The following MGAT5 variants were observed in gnomAD, a reference collection of about 807,000 sequenced individuals.
MGAT5 encodes the protein alpha-1,6-mannosylglycoprotein 6-beta-N-acetylglucosaminyltransferase A.
Under a neutral mutation model 94.3 loss-of-function variants are expected in MGAT5, and 30 were observed. The ratio of observed to expected loss-of-function variants is 0.32; its 90% CI spans 0.24 to 0.43. The LOEUF is 0.43. Among genes scored for constraint, MGAT5 ranks in the 20% least tolerant of loss-of-function variants. The probability of loss-of-function intolerance (pLI) is 1.00; values close to 1 mark genes in which losing one functional copy is unlikely to be tolerated. For missense variants in MGAT5, 691 were observed against 905.5 expected, an observed-to-expected ratio of 0.76 and a Z score of 3.04; for synonymous variants, 310 against 322.9, an observed-to-expected ratio of 0.96 and a Z score of 0.43.
chr2:134,422,691 G>A, intron 12 of MGAT5, 112 bp from the exon 13 acceptor site: 1 of 746,850 alleles, frequency 1.3e-6, no homozygotes, highest in South Asian at 1.6e-5. Context: ...AGGACACAGT[G>A]TCTTGTTACC....
upstream of MGAT5, among the ~76,000 whole-genome samples, chr2:134,250,167 A>G (rs1682510306): frequency 6.6e-6 from 1 of 152,196 alleles, no homozygotes; most frequent in Non-Finnish European, 1.5e-5. Flanking sequence ...TCTTTTAGAA[A>G]GTAGGAGGAT....
chr2:134,214,755 G>A (rs1680381405), intron 1 of MGAT5, among the ~76,000 whole-genome samples: 1 of 152,144 alleles, frequency 6.6e-6, no homozygotes, highest in African/African-American at 2.4e-5. Context: ...CAACCTAACA[G>A]CCAACGAACA....
At chr2:134,157,718 G>A (rs947300566) in intron 1 of MGAT5, among the ~76,000 whole-genome samples, 2 of 152,000 alleles carry the variant, frequency 1.3e-5, no homozygotes, top group African/African-American at 4.8e-5. Flanking sequence ...GGAGCCCTGA[G>A]CTTGTTTTCC....
chr2:134,387,845 C>T (rs10469581), intron 10 of MGAT5, among the ~76,000 whole-genome samples: 80,852 of 152,044 alleles, frequency 0.53, 22,598 homozygotes, highest in Non-Finnish European at 0.62. Context: ...GCTCCAAAGT[C>T]CAGTGATGGG....
At chr2:134,227,686 A>G (rs935911838) in intron 1 of MGAT5, among the ~76,000 whole-genome samples, 15 of 152,146 alleles carry the variant, frequency 9.9e-5, no homozygotes, top group Non-Finnish European at 2.1e-4. Flanking sequence ...TCAAGAAGGG[A>G]AGGCTCTTGG....
chr2:134,204,887 C>T (rs530632735), intron 1 of MGAT5, among the ~76,000 whole-genome samples: 1 of 152,182 alleles, frequency 6.6e-6, no homozygotes, highest in South Asian at 2.1e-4. Flanking sequence ...TCTGAAAAGA[C>T]AAAGACAGGC....
At chr2:134,124,806 A>G (rs1409413391) in intron 1 of MGAT5, among the ~76,000 whole-genome samples, 1 of 152,232 alleles carries the variant, frequency 6.6e-6, no homozygotes, top group Non-Finnish European at 1.5e-5. Flanking sequence ...CCCTAGAATA[A>G]TAACAGCCTC....
In MGAT5 at chr2:134,281,002, T is replaced by C. The variant is rs563194049; in HGVS notation, c.406+10452T>C. ...TGTGAAAGGGCTGTCCAGAAGCTAC[T>C]TGGCAGTCACAGCCTGGACCTGGTC... On this transcript the variant is annotated intron_variant, in intron 2 of 15. Transcript: ENST00000281923. Among the ~76,000 whole-genome samples the C allele has an allele frequency of 6.6e-5, 10 of 152,358 alleles. No individual in the cohort carries two copies. The South Asian group carries it at 2.1e-3, about 32-fold the overall frequency.
At chr2:134,432,677 G>A (rs1684949543) in intron 14 of MGAT5, among the ~76,000 whole-genome samples, 1 of 152,226 alleles carries the variant, frequency 6.6e-6, no homozygotes, top group South Asian at 2.1e-4. Flanking sequence ...TGACTGCCTG[G>A]GTTCACATCT....
chr2:134,337,892 G>A (rs1029120549), intron 5 of MGAT5, among the ~76,000 whole-genome samples: 1 of 152,182 alleles, frequency 6.6e-6, no homozygotes, highest in African/African-American at 2.4e-5. Flanking sequence ...TTTCTTAGAA[G>A]TCTGCTGTCC....
intron 1 of MGAT5, among the ~76,000 whole-genome samples, chr2:134,151,946 G>T (rs1687215193): frequency 2.5e-5 from 3 of 118,088 alleles, no homozygotes; most frequent in Admixed American, 8.4e-5. Context: ...ACCGCCATGG[G>T]ACCTCACTCA....
At chr2:134,293,628 C>G (rs1685503852) in intron 2 of MGAT5, among the ~76,000 whole-genome samples, 1 of 152,108 alleles carries the variant, frequency 6.6e-6, no homozygotes, top group East Asian at 1.9e-4. Flanking sequence ...ACCACCATGC[C>G]TGGCTAATTT....
chr2:134,237,310 CTG>C (rs1401838391), intron 1 of MGAT5, among the ~76,000 whole-genome samples: 2 of 152,200 alleles, frequency 1.3e-5, no homozygotes, highest in Non-Finnish European at 2.9e-5. Flanking sequence ...ATTCTACTCT[CTG>C]TCATGGGAGG....
chr2:134,261,712 G>GT (rs774318456), intron 1 of MGAT5, among the ~76,000 whole-genome samples: 1 of 152,144 alleles, frequency 6.6e-6, no homozygotes, highest in East Asian at 1.9e-4. Flanking sequence ...CACTTACAAT[G>GT]TAAGTTCTGA....
chr2:134,338,676 T>C (rs903965208), intron 6 of MGAT5, among the ~76,000 whole-genome samples: 13 of 152,288 alleles, frequency 8.5e-5, no homozygotes, highest in African/African-American at 3.1e-4. Flanking sequence ...TTTGAACCTG[T>C]CTTTGTCAGG....
intron 1 of MGAT5, among the ~76,000 whole-genome samples, chr2:134,198,876 G>A (rs924893904): frequency 8.5e-5 from 13 of 152,078 alleles, no homozygotes; most frequent in Non-Finnish European, 1.8e-4. Context: ...TAAATATTAG[G>A]TATTTAGTTG....
intron 14 of MGAT5, 61 bp from the exon 15 acceptor site, chr2:134,441,697 G>C (rs1685494433): frequency 6.4e-7 from 1 of 1,551,584 alleles, no homozygotes; most frequent in African/African-American, 1.4e-5. Context: ...GTGGTTGGCA[G>C]GGCTGGGGAT....
At chr2:134,413,292 G>A (rs775030107) in intron 12 of MGAT5, among the ~76,000 whole-genome samples, 1 of 152,102 alleles carries the variant, frequency 6.6e-6, no homozygotes, top group Non-Finnish European at 1.5e-5. Flanking sequence ...GCTGAACTCT[G>A]GTTTCCTGAA....
At chr2:134,315,765 C>T (rs1206757327) in intron 2 of MGAT5, among the ~76,000 whole-genome samples, 1 of 152,162 alleles carries the variant, frequency 6.6e-6, no homozygotes, top group Admixed American at 6.5e-5. Flanking sequence ...AACAGGGGCT[C>T]TGACAAGCCA....
Sources: gnomAD v4.1 joint callset for allele counts (sites outside exome capture counted in the v4.1 genomes callset) on GRCh38, gnomAD v4.1.1 for gene constraint, MANE v1.5 for transcripts, NCBI Gene and HGNC (gene_info 2026-07-23, HGNC 2026-07-21) for gene names.